The following GLI2 variants were observed in gnomAD, a reference collection of about 807,000 sequenced individuals.
GLI2 encodes the protein transcription activator GLI2.
In GLI2, 22 loss-of-function variants were observed where a neutral mutation model predicts 78.9. The observed-to-expected ratio is 0.28, with a 90% CI of 0.20 to 0.40. The LOEUF is 0.40. Ranked by LOEUF, GLI2 falls within the 10% of genes least tolerant of loss-of-function variation. GLI2 has a pLI of 1.00. For synonymous variants in GLI2, 974 were observed against 963.7 expected (o/e 1.01, Z -0.20); for missense variants, 2,097 against 2,213.2 (o/e 0.95, Z 1.05).
intron 2 of GLI2, among the ~76,000 whole-genome samples, chr2:120,899,395 GTACACACACA>G (rs1168465305): frequency 7.6e-6 from 1 of 130,970 alleles, no homozygotes; most frequent in Non-Finnish European, 1.5e-5. Flanking sequence ...ACACTTGTGT[GTACACACACA>G]TACACACACA....
At chr2:120,905,045 C>A (rs977149826) in intron 2 of GLI2, among the ~76,000 whole-genome samples, 13 of 152,202 alleles carry the variant, frequency 8.5e-5, no homozygotes, top group African/African-American at 2.4e-4. Flanking sequence ...ATGAAACTTG[C>A]CAGTTGGTAC....
intron 1 of GLI2, among the ~76,000 whole-genome samples, chr2:120,795,534 T>C (rs201486279): frequency 3.6e-5 from 3 of 82,386 alleles, no homozygotes; most frequent in East Asian, 3.1e-4. Context: ...AATAAAAAAA[T>C]GAAAAAAAAA....
At chr2:120,751,887 A>T (rs1337337959) in intron 1 of GLI2, among the ~76,000 whole-genome samples, 1 of 152,198 alleles carries the variant, frequency 6.6e-6, no homozygotes, top group African/African-American at 2.4e-5. Flanking sequence ...AAGGCTCTTT[A>T]TTCATATTTC....
intron 4 of GLI2, 131 bp from the exon 5 acceptor site, chr2:120,955,114 G>A: frequency 4.3e-6 from 3 of 703,968 alleles, no homozygotes; most frequent in Non-Finnish European, 5.0e-6. Context: ...AAAATGCCGA[G>A]GAGAGAAACC....
chr2:120,948,690 T>C (rs1365478293), intron 3 of GLI2, among the ~76,000 whole-genome samples: 1 of 152,032 alleles, frequency 6.6e-6, no homozygotes, highest in Non-Finnish European at 1.5e-5. Flanking sequence ...TAGCTTGAAA[T>C]CCCCACGTGA....
intron 2 of GLI2, among the ~76,000 whole-genome samples, chr2:120,812,949 C>G (rs557358423): frequency 3.3e-5 from 5 of 152,294 alleles, no homozygotes; most frequent in Admixed American, 2.6e-4. Flanking sequence ...GCGGGGACAC[C>G]TGGCCATGTT....
intron 2 of GLI2, among the ~76,000 whole-genome samples, chr2:120,888,456 T>A (rs1677521209): frequency 6.6e-6 from 1 of 152,192 alleles, no homozygotes; most frequent in Admixed American, 6.5e-5. Flanking sequence ...ATCACTTTTA[T>A]CTTCTTAATT....
At chr2:120,780,563 C>T (rs535536373) in intron 1 of GLI2, among the ~76,000 whole-genome samples, 1 of 152,198 alleles carries the variant, frequency 6.6e-6, no homozygotes, top group East Asian at 1.9e-4. Flanking sequence ...TTCCAGCAGG[C>T]AGAGTGGTGT....
At chr2:120,789,272 C>T (rs970676060) in intron 1 of GLI2, among the ~76,000 whole-genome samples, 1 of 152,100 alleles carries the variant, frequency 6.6e-6, no homozygotes, top group Non-Finnish European at 1.5e-5. Flanking sequence ...GATCCGCCCT[C>T]CTCAGCCTCC....
intron 2 of GLI2, among the ~76,000 whole-genome samples, chr2:120,820,387 C>T (rs902964250): frequency 1.3e-5 from 2 of 152,176 alleles, no homozygotes; most frequent in East Asian, 1.9e-4. Context: ...CCCTGGAAGC[C>T]GAGAGGGTTA....
chr2:120,945,684 C>T (rs539002497), intron 3 of GLI2, among the ~76,000 whole-genome samples: 79 of 152,304 alleles, frequency 5.2e-4, no homozygotes, highest in Non-Finnish European at 9.7e-4. Context: ...TTCTTGGGCT[C>T]TCCCCTGCAT....
intron 2 of GLI2, among the ~76,000 whole-genome samples, chr2:120,921,058 G>A (rs1222468281): frequency 1.3e-5 from 2 of 152,168 alleles, no homozygotes; most frequent in African/African-American, 4.8e-5. Context: ...GCCAGAGTTG[G>A]AAAGCAGAAT....
intron 3 of GLI2, among the ~76,000 whole-genome samples, chr2:120,947,882 C>G (rs1375120693): frequency 2.0e-5 from 3 of 152,210 alleles, no homozygotes; most frequent in African/African-American, 7.2e-5. Flanking sequence ...CTCACATCCC[C>G]CTCTTCAGGC....
intron 2 of GLI2, among the ~76,000 whole-genome samples, chr2:120,829,100 G>C (rs1488071887): frequency 6.6e-6 from 1 of 151,460 alleles, no homozygotes; most frequent in East Asian, 1.9e-4. Context: ...CCACGCACCT[G>C]CACCCATGCA....
At chr2:120,917,037 G>A (rs2104832569) in intron 2 of GLI2, among the ~76,000 whole-genome samples, 1 of 152,294 alleles carries the variant, frequency 6.6e-6, no homozygotes, top group East Asian at 1.9e-4. Flanking sequence ...TTGCTCCATG[G>A]GATTTGTGAC....
intron 2 of GLI2, among the ~76,000 whole-genome samples, chr2:120,904,245 A>G (rs1307864629): frequency 4.6e-5 from 7 of 152,214 alleles, no homozygotes; most frequent in African/African-American, 1.2e-4. Flanking sequence ...GGACACTGAG[A>G]TGGCTGAATC....
intron 2 of GLI2, among the ~76,000 whole-genome samples, chr2:120,821,768 T>G (rs1685787238): frequency 6.6e-6 from 1 of 152,182 alleles, no homozygotes; most frequent in African/African-American, 2.4e-5. Flanking sequence ...CCTAAGCCTG[T>G]GCTGCGACCC....
chr2:120,855,267 C>A (rs1470458204), intron 2 of GLI2, among the ~76,000 whole-genome samples: 1 of 152,174 alleles, frequency 6.6e-6, no homozygotes, highest in Admixed American at 6.5e-5. Context: ...GCACGCTGAC[C>A]CTGGAGGCAG....
chr2:120,830,901 C>T (rs1686326863), intron 2 of GLI2, among the ~76,000 whole-genome samples: 1 of 151,924 alleles, frequency 6.6e-6, no homozygotes, highest in Non-Finnish European at 1.5e-5. Flanking sequence ...CTCACTTGGT[C>T]CCTGTCCTGG....
Sources: allele counts gnomAD v4.1 joint callset (sites outside exome capture counted in the v4.1 genomes callset), GRCh38; gene constraint gnomAD v4.1.1; transcripts MANE v1.5; gene names NCBI Gene and HGNC (gene_info 2026-07-23, HGNC 2026-07-21).